The following LYZL1 variants were observed in gnomAD, a reference collection of about 807,000 sequenced individuals.
LYZL1 encodes lysozyme-like protein 1.
Under a neutral mutation model 17.9 loss-of-function variants are expected in LYZL1, and 16 were observed. The observed-to-expected ratio is 0.90, with a 90% CI of 0.61 to 1.36. The LOEUF is 1.36. LYZL1 is among the 40% of genes most tolerant of loss of function. The pLI, the probability that LYZL1 is intolerant of heterozygous loss-of-function variation, is 0.00. For missense variants in LYZL1, 149 were observed against 188.4 expected, an observed-to-expected ratio of 0.79 and a Z score of 1.22; for synonymous variants, 58 against 71.8, an observed-to-expected ratio of 0.81 and a Z score of 0.97.
intron 3 of LYZL1, among the ~76,000 whole-genome samples, chr10:29,308,721 A>G (rs1192426560): frequency 2.0e-5 from 3 of 152,194 alleles, no homozygotes; most frequent in Admixed American, 2.0e-4. Flanking sequence ...GCACTTTGGG[A>G]GCCAAGGCAG....
downstream of LYZL1, among the ~76,000 whole-genome samples, chr10:29,315,435 A>C (rs7393995): frequency 0.54 from 81,636 of 151,838 alleles, 22,320 homozygotes; most frequent in African/African-American, 0.65. Flanking sequence ...TTGCTTGAAC[A>C]CTGAGGCGGA....
intron 2 of LYZL1, 69 bp from the exon 3 acceptor site, chr10:29,292,450 G>A (rs1283164309): frequency 1.3e-5 from 20 of 1,575,252 alleles, no homozygotes; most frequent in East Asian, 9.0e-5. Context: ...AAGGAAACTC[G>A]CCCTCAGACC....
At chr10:29,300,843 A>G (rs1835507276) in intron 3 of LYZL1, among the ~76,000 whole-genome samples, 1 of 152,150 alleles carries the variant, frequency 6.6e-6, no homozygotes, top group Admixed American at 6.5e-5. Flanking sequence ...CTGTTTTGAG[A>G]CAGGGTCTTG....
intron 3 of LYZL1, among the ~76,000 whole-genome samples, chr10:29,316,761 G>A (rs902206306): frequency 2.8e-5 from 4 of 142,262 alleles, no homozygotes; most frequent in Admixed American, 7.6e-5. Context: ...CACCAGGCTA[G>A]GCTAGAGTGC....
At chr10:29,305,338 GT>G (rs1432376386) in intron 3 of LYZL1, among the ~76,000 whole-genome samples, 2 of 152,160 alleles carry the variant, frequency 1.3e-5, no homozygotes, top group Non-Finnish European at 2.9e-5. Context: ...AACATATAGT[GT>G]TTTATGAGCA....
chr10:29,307,854 T>G (rs1835616791), intron 3 of LYZL1, among the ~76,000 whole-genome samples: 1 of 152,146 alleles, frequency 6.6e-6, no homozygotes, highest in African/African-American at 2.4e-5. Context: ...AGATAAATTA[T>G]TAGGTGAAAG....
At position 29,310,070 on chromosome 10, in the gene LYZL1, C is replaced by CAA. The variant is rs376849735; in HGVS notation, c.299-38_299-37dup. ...TTGAGTTGAGGTCCCTCTCCAACAA[C>CAA]AAAGTCTCGCCTAACCCTGATGTCT... On this transcript the variant is annotated intron_variant, in intron 3 of 4. Coordinates refer to ENST00000649382, the MANE Select transcript of LYZL1 (RefSeq NM_032517.6). The CAA allele has an allele frequency of 5.9e-4, 874 of 1,469,358 alleles. 6 individuals are homozygous for CAA. In the African/African-American group the frequency reaches 1.0e-2, roughly 17 times the overall value. The allele number at this position is 1,469,358 out of a possible 1,614,324, so 91.0% of individuals were successfully genotyped here.
rs72800489 is a variant in LYZL1 at position 29,299,866 on chromosome 10, A to G, written c.298+7189A>G. On this transcript the variant is annotated intron_variant, in intron 3 of 4. Transcript: ENST00000649382. The stretch of plus-strand genomic sequence containing the variant: ...TAGCATATAGTTATGTGTTGCTTTT[A>G]TATCCATTCTGGTAATTACTGCTTT... Among the ~76,000 whole-genome samples the G allele has an allele frequency of 4.8e-3, 733 of 152,348 alleles. 4 individuals are homozygous for G. The highest frequency in any genetic ancestry group is 0.019 in the South Asian group (91 of 4,828).
intron 3 of LYZL1, among the ~76,000 whole-genome samples, chr10:29,302,850 A>C (rs1452126729): frequency 6.6e-6 from 1 of 152,096 alleles, no homozygotes; most frequent in African/African-American, 2.4e-5. Context: ...GTCTTCCTTT[A>C]AAGAGTGTTG....
At chr10:29,313,375 C>T (rs1232045193), downstream of LYZL1, among the ~76,000 whole-genome samples, 2 of 152,190 alleles carry the variant, frequency 1.3e-5, no homozygotes, top group Non-Finnish European at 2.9e-5. Context: ...CAGCCCCATT[C>T]TTAGCCAAAT....
At chr10:29,310,330 C>T (rs1471559401) in intron 4 of LYZL1, 142 bp downstream of exon 4, 5 of 632,878 alleles carry the variant, frequency 7.9e-6, no homozygotes, top group Non-Finnish European at 1.4e-5. Context: ...TATTCTCCTC[C>T]ATCAGTGTGT....
chr10:29,309,976 G>A, intron 3 of LYZL1, 134 bp from the exon 4 acceptor site: 1 of 614,072 alleles, frequency 1.6e-6, no homozygotes. Flanking sequence ...TAAGATTGTG[G>A]CTTTGCAGGC....
intron 1 of LYZL1, among the ~76,000 whole-genome samples, chr10:29,290,697 G>A (rs1196685617): frequency 6.6e-6 from 1 of 152,118 alleles, no homozygotes; most frequent in African/African-American, 2.4e-5. Context: ...AAATTAGCCA[G>A]GTGTGGTGGT....
intron 3 of LYZL1, among the ~76,000 whole-genome samples, chr10:29,308,446 G>T (rs529533548): frequency 1.3e-5 from 2 of 152,112 alleles, no homozygotes; most frequent in South Asian, 4.2e-4. Context: ...TCATAGGTGT[G>T]GATCCCTGAG....
chr10:29,289,222 G>A lies in LYZL1; in HGVS notation c.-34G>A, dbSNP rs778479487. 5 of 1,531,898 alleles carry A rather than the reference G, an allele frequency of 3.3e-6. No homozygotes were observed. The highest frequency in any genetic ancestry group is 4.4e-6 in the Non-Finnish European group (5 of 1,141,984). The allele number at this position is 1,531,898 out of a possible 1,614,324, so 94.9% of individuals were successfully genotyped here. On this transcript the variant is annotated 5_prime_UTR_variant, in exon 1 of 5. Transcript: ENST00000649382. ...CCTCTGGGGCAGGCACCAGGAATCT[G>A]CCTTTTCAGTAAGACCTAAATTACT...
chr10:29,311,670 C>A (rs2132839412), downstream of LYZL1, among the ~76,000 whole-genome samples: 1 of 152,296 alleles, frequency 6.6e-6, no homozygotes, highest in South Asian at 2.1e-4. Context: ...TTTTTCCTGA[C>A]ATATTTTGCT....
At chr10:29,291,768 G>C in intron 1 of LYZL1, 75 bp from the exon 2 acceptor site, 1 of 1,439,738 alleles carries the variant, frequency 6.9e-7, no homozygotes, top group South Asian at 1.3e-5. Context: ...AGGCAGGGCT[G>C]TGCACAGTCA....
chr10:29,297,307 G>A (rs1359934227), intron 3 of LYZL1, among the ~76,000 whole-genome samples: 1 of 152,072 alleles, frequency 6.6e-6, no homozygotes, highest in Admixed American at 6.6e-5. Context: ...TAGCAGGAGA[G>A]AAGAGAAACA....
At chr10:29,294,328 G>A (rs545329524) in intron 3 of LYZL1, among the ~76,000 whole-genome samples, 1 of 152,300 alleles carries the variant, frequency 6.6e-6, no homozygotes, top group Admixed American at 6.5e-5. Flanking sequence ...GCTTCAGCAA[G>A]ATCAATCTGC....
Sources: allele counts gnomAD v4.1 joint callset (sites outside exome capture counted in the v4.1 genomes callset), GRCh38; gene constraint gnomAD v4.1.1; transcripts MANE v1.5; gene names NCBI Gene and HGNC (gene_info 2026-07-23, HGNC 2026-07-21).